SYCP2: variants seen among roughly 807,000 people sequenced by gnomAD.
SYCP2 encodes the protein synaptonemal complex lateral element protein.
A neutral mutation model predicts 211.3 loss-of-function variants in SYCP2; 55 were observed. The ratio of observed to expected loss-of-function variants is 0.26; its 90% CI spans 0.21 to 0.33. The LOEUF is 0.33. Among genes scored for constraint, SYCP2 ranks in the 10% least tolerant of loss-of-function variants. The probability of loss-of-function intolerance (pLI) is 1.00; values close to 1 mark genes in which losing one functional copy is unlikely to be tolerated. For synonymous variants in SYCP2, 570 were observed against 555.2 expected (o/e 1.03, Z -0.37); for missense variants, 1,731 against 1,752.0 (o/e 0.99, Z 0.21).
intron 24 of SYCP2, among the ~76,000 whole-genome samples, chr20:59,889,335 C>T (rs371415391): frequency 1.3e-5 from 2 of 151,880 alleles, no homozygotes; most frequent in Non-Finnish European, 2.9e-5. Context: ...AATGGGTATA[C>T]GAGGAGTCTG....
At chr20:59,873,562 T>G (rs80024155) in intron 35 of SYCP2, among the ~76,000 whole-genome samples, 3 of 152,066 alleles carry the variant, frequency 2.0e-5, no homozygotes, top group African/African-American at 7.2e-5. Context: ...CAGACCACAG[T>G]TGACTGTAGG....
intron 20 of SYCP2, among the ~76,000 whole-genome samples, chr20:59,894,694 C>T (rs953398041): frequency 3.3e-5 from 5 of 151,960 alleles, no homozygotes; most frequent in Non-Finnish European, 7.4e-5. Flanking sequence ...GTCCCTGAAC[C>T]CTGTACTTCA....
At chr20:59,915,364 A>G (rs1335915938) in intron 9 of SYCP2, 101 bp downstream of exon 9, 1 of 984,164 alleles carries the variant, frequency 1.0e-6, no homozygotes, top group Non-Finnish European at 1.6e-6. Context: ...AAGCTGCAAC[A>G]GTTTATCAGT....
At chr20:59,900,378 C>T (rs574659863) in intron 17 of SYCP2, 94 bp from the exon 18 acceptor site, 4 of 1,071,212 alleles carry the variant, frequency 3.7e-6, no homozygotes, top group East Asian at 2.6e-5. Flanking sequence ...ACTCATCTCA[C>T]ATATTCAATT....
chr20:59,866,457 G>T, intron 40 of SYCP2, 38 bp downstream of exon 40: 1 of 1,563,058 alleles, frequency 6.4e-7, no homozygotes, highest in Non-Finnish European at 8.8e-7. Flanking sequence ...GGAATATGTA[G>T]CATTCAAAAG....
intron 20 of SYCP2, 88 bp from the exon 21 acceptor site, chr20:59,893,681 A>G (rs1185782010): frequency 1.3e-5 from 11 of 870,382 alleles, no homozygotes; most frequent in African/African-American, 1.7e-5. Flanking sequence ...GTCTTTTAAA[A>G]CAAATCTGCC....
At chr20:59,905,552 AAAATGT>A (rs1292126877) in intron 15 of SYCP2, among the ~76,000 whole-genome samples, 7 of 152,280 alleles carry the variant, frequency 4.6e-5, no homozygotes, top group African/African-American at 1.4e-4. Context: ...TAAACTCTAG[AAAATGT>A]AAATGTATCA....
At chr20:59,910,384 T>TTTA (rs1555883734) in intron 14 of SYCP2, among the ~76,000 whole-genome samples, 3 of 133,346 alleles carry the variant, frequency 2.2e-5, no homozygotes, top group African/African-American at 9.0e-5. Flanking sequence ...ATTTTTTTTT[T>TTTA]TTTTTTTTTT....
At chr20:59,920,793 A>C (rs1395225619) in intron 4 of SYCP2, among the ~76,000 whole-genome samples, 2 of 151,660 alleles carry the variant, frequency 1.3e-5, no homozygotes, top group Non-Finnish European at 3.0e-5. Flanking sequence ...TAACTAACAG[A>C]AACAAGAAAT....
intron 44 of SYCP2, 69 bp from the exon 45 acceptor site, chr20:59,864,457 G>GA (rs376056840): frequency 0.04 from 31,882 of 798,872 alleles, 109 homozygotes; most frequent in African/African-American, 0.072. Context: ...AAATAAAATA[G>GA]AAAAAAAAAA....
intron 34 of SYCP2, among the ~76,000 whole-genome samples, chr20:59,874,526 C>T (rs1263462902): frequency 5.3e-5 from 8 of 151,916 alleles, no homozygotes; most frequent in African/African-American, 4.8e-5. Context: ...ATTTTCAGAT[C>T]GAATCAGGGC....
chr20:59,919,106 A>ACAGTAT (rs1460850448), intron 7 of SYCP2, 52 bp downstream of exon 7: 60 of 965,734 alleles, frequency 6.2e-5, no homozygotes, highest in Admixed American at 1.3e-4. Flanking sequence ...ATTATACTAA[A>ACAGTAT]ACTCTAACAG....
chr20:59,933,083 A>T (rs1180727008), intron 1 of SYCP2: 3 of 152,248 alleles, frequency 2.0e-5, no homozygotes, highest in Admixed American at 2.0e-4. Flanking sequence ...ACCCCCCTTC[A>T]GATGTCCCGG....
At chr20:59,918,753 A>C (rs1329772319) in intron 7 of SYCP2, among the ~76,000 whole-genome samples, 2 of 152,166 alleles carry the variant, frequency 1.3e-5, no homozygotes, top group Non-Finnish European at 2.9e-5. Flanking sequence ...GGGATTAACA[A>C]ATGAACATTT....
chr20:59,877,614 A>T lies in SYCP2; in HGVS notation c.2980-59T>A, dbSNP rs182896450. The T allele has an allele frequency of 3.1e-3, 4,448 of 1,442,836 alleles. 48 individuals carry two copies. The highest frequency in any genetic ancestry group is 0.02 in the South Asian group (1,551 of 78,046). 89.4% of individuals were successfully genotyped at this position (1,442,836 alleles called of 1,614,324 possible). A position where few individuals can be genotyped will look rare whatever the true frequency, so the allele number is the denominator to read the frequency against. On this transcript the variant is annotated intron_variant, in intron 32 of 44. Coordinates refer to ENST00000357552, the MANE Select transcript of SYCP2 (RefSeq NM_014258.4). ...TATTTGAGGTACAAGAAATACAAGC[A>T]ATTTGCTATAAAATTGGCACTGTGA...
At chr20:59,920,680 A>G (rs1233810311) in intron 4 of SYCP2, among the ~76,000 whole-genome samples, 193 bp from the exon 5 acceptor site, 1 of 151,656 alleles carries the variant, frequency 6.6e-6, no homozygotes, top group Non-Finnish European at 1.5e-5. Context: ...CAGTCAGGGA[A>G]TGACAAACTC....
At chr20:59,887,567 T>C (rs940298847) in intron 24 of SYCP2, among the ~76,000 whole-genome samples, 1 of 151,920 alleles carries the variant, frequency 6.6e-6, no homozygotes, top group African/African-American at 2.4e-5. Context: ...CTTGAGGAAT[T>C]GCCACACTGT....
intron 2 of SYCP2, among the ~76,000 whole-genome samples, chr20:59,926,727 G>A (rs1045900058): frequency 3.3e-5 from 5 of 152,098 alleles, no homozygotes; most frequent in Admixed American, 2.6e-4. Context: ...AAAAACATGG[G>A]ATTCAAAGAA....
At chr20:59,864,512 G>GA (rs2059291782) in intron 44 of SYCP2, 124 bp from the exon 45 acceptor site, 1 of 641,590 alleles carries the variant, frequency 1.6e-6, no homozygotes, top group Non-Finnish European at 2.7e-6. Context: ...CTTCTTTCAT[G>GA]AAGATATTGC....
Sources: allele counts gnomAD v4.1 joint callset (sites outside exome capture counted in the v4.1 genomes callset), GRCh38; gene constraint gnomAD v4.1.1; transcripts MANE v1.5; gene names NCBI Gene and HGNC (gene_info 2026-07-23, HGNC 2026-07-21).